The following IMMP2L variants were observed in gnomAD, a reference collection of about 807,000 sequenced individuals.
IMMP2L encodes inner mitochondrial membrane peptidase subunit 2.
In IMMP2L, 18 loss-of-function variants were observed where a neutral mutation model predicts 19.3. The observed-to-expected ratio is 0.93, with a 90% CI of 0.64 to 1.38. The LOEUF (loss-of-function observed/expected upper bound fraction) is 1.38, where lower values mean the gene tolerates loss of function less well. Ranked by LOEUF, IMMP2L falls within the 40% of genes most tolerant of loss-of-function variation. The pLI is 0.00. For missense variants in IMMP2L, 233 were observed against 218.2 expected, an observed-to-expected ratio of 1.07 and a Z score of -0.43; for synonymous variants, 76 against 73.0, an observed-to-expected ratio of 1.04 and a Z score of -0.21.
chr7:110,934,880 C>T (rs1815905098), intron 4 of IMMP2L, among the ~76,000 whole-genome samples: 1 of 152,056 alleles, frequency 6.6e-6, no homozygotes, highest in Admixed American at 6.5e-5. Context: ...TATTTTGAGC[C>T]TATGTGTGTC....
At chr7:110,881,398 A>G (rs980288691) in intron 5 of IMMP2L, among the ~76,000 whole-genome samples, 1 of 152,172 alleles carries the variant, frequency 6.6e-6, no homozygotes, top group Admixed American at 6.6e-5. Flanking sequence ...GAAAAACCAC[A>G]AGGTAAGGCT....
At chr7:111,234,510 A>T (rs1814067788) in intron 3 of IMMP2L, among the ~76,000 whole-genome samples, 1 of 152,086 alleles carries the variant, frequency 6.6e-6, no homozygotes, top group Non-Finnish European at 1.5e-5. Context: ...ATGCCTTCTT[A>T]ATGAACTAAC....
At chr7:111,348,747 T>C (rs989731896) in intron 3 of IMMP2L, among the ~76,000 whole-genome samples, 1 of 152,084 alleles carries the variant, frequency 6.6e-6, no homozygotes, top group East Asian at 1.9e-4. Context: ...TTAAAATATA[T>C]CTCATAGGTC....
At chr7:111,029,773 C>G (rs1827215232) in intron 3 of IMMP2L, among the ~76,000 whole-genome samples, 1 of 152,158 alleles carries the variant, frequency 6.6e-6, no homozygotes, top group African/African-American at 2.4e-5. Flanking sequence ...ATTTCAGCCA[C>G]TTCAATCCAG....
chr7:110,851,520 T>C (rs1806224788), intron 5 of IMMP2L, among the ~76,000 whole-genome samples: 1 of 152,124 alleles, frequency 6.6e-6, no homozygotes, highest in South Asian at 2.1e-4. Context: ...GACTGAGCAA[T>C]CTATCATGCT....
At chr7:110,967,725 T>A (rs1421385612) in intron 3 of IMMP2L, among the ~76,000 whole-genome samples, 6 of 152,078 alleles carry the variant, frequency 3.9e-5, no homozygotes, top group African/African-American at 1.2e-4. Context: ...AAGAGAATGT[T>A]TTTCACTATC....
intron 3 of IMMP2L, among the ~76,000 whole-genome samples, chr7:110,994,937 T>C (rs1238080509): frequency 6.6e-6 from 1 of 152,062 alleles, no homozygotes; most frequent in East Asian, 1.9e-4. Context: ...TAAAGAAACA[T>C]ATTTTGAGTT....
intron 5 of IMMP2L, among the ~76,000 whole-genome samples, chr7:110,671,848 G>A (rs758753141): frequency 6.6e-6 from 1 of 152,058 alleles, no homozygotes; most frequent in African/African-American, 2.4e-5. Flanking sequence ...AGAAAATCAG[G>A]AAGAACAAGA....
chr7:111,306,649 T>C (rs1367301884), intron 3 of IMMP2L, among the ~76,000 whole-genome samples: 1 of 142,368 alleles, frequency 7.0e-6, no homozygotes, highest in African/African-American at 2.7e-5. Context: ...TGTGTGTGTG[T>C]GTGTGTCCAG....
intron 3 of IMMP2L, among the ~76,000 whole-genome samples, chr7:111,177,112 T>C (rs1586699743): frequency 1.3e-5 from 2 of 152,096 alleles, no homozygotes; most frequent in Admixed American, 6.6e-5. Flanking sequence ...CAAAAAAAGT[T>C]TAAAATCAGC....
intron 3 of IMMP2L, among the ~76,000 whole-genome samples, chr7:111,241,901 C>T (rs1048503109): frequency 2.6e-5 from 4 of 151,798 alleles, no homozygotes; most frequent in East Asian, 3.9e-4. Context: ...GGTATTGCTA[C>T]GGTATTTGCA....
chr7:111,124,306 A>C, intron 3 of IMMP2L: 4 of 1,613,908 alleles, frequency 2.5e-6, no homozygotes, highest in Non-Finnish European at 3.4e-6. Flanking sequence ...TGTTATGATC[A>C]AAGTGGATGG....
intron 5 of IMMP2L, among the ~76,000 whole-genome samples, chr7:110,825,346 C>A (rs1427345534): frequency 6.6e-6 from 1 of 152,078 alleles, no homozygotes; most frequent in East Asian, 1.9e-4. Context: ...CTTTAAAGTT[C>A]ATATGGAACC....
intron 3 of IMMP2L, among the ~76,000 whole-genome samples, chr7:111,229,428 T>C (rs1163192884): frequency 6.6e-6 from 1 of 152,004 alleles, no homozygotes; most frequent in Non-Finnish European, 1.5e-5. Flanking sequence ...CACAATCAGG[T>C]GATCAAGGTA....
chr7:111,456,354 C>G (rs1839673200), intron 3 of IMMP2L, among the ~76,000 whole-genome samples: 1 of 151,822 alleles, frequency 6.6e-6, no homozygotes. Flanking sequence ...TATATTCTTC[C>G]TTTTTGATGT....
At chr7:111,329,372 A>G (rs900523641) in intron 3 of IMMP2L, among the ~76,000 whole-genome samples, 1 of 151,944 alleles carries the variant, frequency 6.6e-6, no homozygotes, top group Non-Finnish European at 1.5e-5. Context: ...AAATATAAAT[A>G]TAAACATCAA....
chr7:111,110,118 C>T (rs2129582956), intron 3 of IMMP2L, among the ~76,000 whole-genome samples: 1 of 152,184 alleles, frequency 6.6e-6, no homozygotes, highest in South Asian at 2.1e-4. Context: ...CTAGGCAACA[C>T]AGTGAGACTC....
intron 4 of IMMP2L, among the ~76,000 whole-genome samples, chr7:110,891,709 G>T (rs1585160605): frequency 6.6e-6 from 1 of 152,044 alleles, no homozygotes; most frequent in Non-Finnish European, 1.5e-5. Context: ...ACTTGAAAAA[G>T]AACCAAATAG....
chr7:111,311,110 C>A (rs1260451459), intron 3 of IMMP2L, among the ~76,000 whole-genome samples: 3 of 152,110 alleles, frequency 2.0e-5, no homozygotes, highest in Non-Finnish European at 2.9e-5. Context: ...TCCCCTTCTA[C>A]CACAATATCC....
Sources: allele counts gnomAD v4.1 joint callset (sites outside exome capture counted in the v4.1 genomes callset), GRCh38; gene constraint gnomAD v4.1.1; transcripts MANE v1.5; gene names NCBI Gene and HGNC (gene_info 2026-07-23, HGNC 2026-07-21).